The following MROH9 variants were observed in gnomAD, a reference collection of about 807,000 sequenced individuals.
The protein encoded by MROH9 is maestro heat-like repeat-containing protein family member 9.
MROH9 carries 92 observed loss-of-function variants against 98.2 expected under a neutral mutation model. That is an observed-to-expected ratio of 0.94 (90% CI 0.79 to 1.11). The LOEUF is 1.11. Ranked by LOEUF, MROH9 falls within the 50% of genes most tolerant of loss-of-function variation. The pLI is 0.00. For synonymous variants in MROH9, 397 were observed against 368.9 expected (o/e 1.08, Z -0.87); for missense variants, 1,057 against 1,014.8 (o/e 1.04, Z -0.57).
intron 20 of MROH9, 56 bp from the exon 21 acceptor site, chr1:171,062,076 A>G: frequency 2.6e-6 from 3 of 1,146,464 alleles, no homozygotes; most frequent in Non-Finnish European, 3.8e-6. Context: ...ATAACATCAG[A>G]AAATGTATTT....
At chr1:170,993,425 T>A (rs1434230673) in intron 12 of MROH9, among the ~76,000 whole-genome samples, 4 of 152,152 alleles carry the variant, frequency 2.6e-5, no homozygotes, top group African/African-American at 9.6e-5. Flanking sequence ...CCAGAAAAGT[T>A]ACTGACTGGT....
intron 12 of MROH9, among the ~76,000 whole-genome samples, chr1:170,994,071 A>G (rs142497109): frequency 6.6e-6 from 1 of 152,312 alleles, no homozygotes; most frequent in East Asian, 1.9e-4. Context: ...TTTGTGTGTA[A>G]GCATTGCGCT....
chr1:170,938,048 C>T (rs944849523), intron 1 of MROH9, among the ~76,000 whole-genome samples: 8 of 152,162 alleles, frequency 5.3e-5, no homozygotes, highest in African/African-American at 1.9e-4. Flanking sequence ...GTATTGCAGA[C>T]ATACTCTTCC....
intron 3 of MROH9, among the ~76,000 whole-genome samples, chr1:170,951,991 A>G (rs1465596796): frequency 6.6e-6 from 1 of 150,702 alleles, no homozygotes; most frequent in Non-Finnish European, 1.5e-5. Context: ...CAAAAGACAC[A>G]TGAAAAAATG....
chr1:170,986,586 C>T lies in MROH9; in HGVS notation c.755C>T (p.Pro252Leu). The T allele has an allele frequency of 6.2e-7, 1 of 1,613,654 alleles. No homozygotes were observed. The highest frequency in any genetic ancestry group is 8.5e-7 in the Non-Finnish European group (1 of 1,179,836). The change falls in exon 10 of 22, where the codon CCC becomes CTC. Residue 252 changes from proline (P) to leucine (L), a missense_variant. Coordinates refer to ENST00000367759, the MANE Select transcript of MROH9 (RefSeq NM_001163629.2). ...AGAGTAGGGCAAACCTTACTGCCTC[C>T]CTTGCTGACTGACTTTGTGCAGAGT... ...AQRVGQTLLP[P>L]LLTDFVQSLL...
At chr1:171,023,575 T>C (rs61816864) in intron 17 of MROH9, among the ~76,000 whole-genome samples, 2 of 152,270 alleles carry the variant, frequency 1.3e-5, no homozygotes, top group East Asian at 1.9e-4. Context: ...TGAATTATGG[T>C]AAGTAAATTG....
intron 3 of MROH9, among the ~76,000 whole-genome samples, chr1:170,957,254 T>A (rs1326342112): frequency 6.6e-6 from 1 of 152,108 alleles, no homozygotes; most frequent in Non-Finnish European, 1.5e-5. Context: ...CCGAAACTAA[T>A]GTAAATAAGC....
intron 1 of MROH9, among the ~76,000 whole-genome samples, 159 bp downstream of exon 1, chr1:170,935,746 C>T (rs1648849420): frequency 1.3e-5 from 2 of 151,784 alleles, no homozygotes. Flanking sequence ...CCTGTAATCC[C>T]AGCACTTTGG....
chr1:170,935,972 C>A, intron 1 of MROH9, among the ~76,000 whole-genome samples: 1 of 87,208 alleles, frequency 1.1e-5, no homozygotes, highest in Non-Finnish European at 2.0e-5. Flanking sequence ...AGCCTGGCAA[C>A]AGAGTGAGAC....
At chr1:170,975,626 G>A (rs1650655964) in intron 8 of MROH9, among the ~76,000 whole-genome samples, 1 of 152,122 alleles carries the variant, frequency 6.6e-6, no homozygotes, top group Non-Finnish European at 1.5e-5. Flanking sequence ...ATTATGTAGT[G>A]AGAACCTGTG....
chr1:170,942,467 T>G (rs1211155464), intron 1 of MROH9, among the ~76,000 whole-genome samples: 1 of 151,896 alleles, frequency 6.6e-6, no homozygotes, highest in Non-Finnish European at 1.5e-5. Context: ...GTCCTAAAAT[T>G]TCTTTATGTA....
intron 1 of MROH9, among the ~76,000 whole-genome samples, chr1:170,944,621 T>C (rs1044153558): frequency 1.7e-4 from 26 of 151,962 alleles, no homozygotes; most frequent in African/African-American, 5.6e-4. Flanking sequence ...CTAAGTAGTG[T>C]TGGGATCATA....
intron 20 of MROH9, among the ~76,000 whole-genome samples, chr1:171,034,777 A>C (rs898343169): frequency 6.6e-6 from 1 of 152,220 alleles, no homozygotes; most frequent in Non-Finnish European, 1.5e-5. Context: ...TGGGGCTACT[A>C]GTTTCACCAG....
Position 171,064,291 on chromosome 1 carries a change from TAG to T in MROH9, c.2539_2540del (p.Asp847GlnfsTer6). The T allele has an allele frequency of 6.4e-7, 1 of 1,551,152 alleles. No individual in the cohort carries two copies. The highest frequency in any genetic ancestry group is 8.7e-7 in the Non-Finnish European group (1 of 1,146,690). On this transcript the variant is annotated frameshift_variant, in exon 22 of 22. Transcript: ENST00000367759. LOFTEE classifies it low-confidence loss of function (END_TRUNC). Reference sequence around the variant, plus strand: ...AATTATAACTCACCCAATGGCCAGATAGACAGTCCTACAGACAGTAAAGATGT... The same window carrying T: ...AATTATAACTCACCCAATGGCCAGATACAGTCCTACAGACAGTAAAGATGT...
At chr1:171,023,571 A>G (rs1326299005) in intron 17 of MROH9, among the ~76,000 whole-genome samples, 1 of 152,176 alleles carries the variant, frequency 6.6e-6, no homozygotes, top group African/African-American at 2.4e-5. Flanking sequence ...AATCTGAATT[A>G]TGGTAAGTAA....
At chr1:170,955,887 G>C (rs1251476494) in intron 3 of MROH9, among the ~76,000 whole-genome samples, 1 of 152,104 alleles carries the variant, frequency 6.6e-6, no homozygotes, top group African/African-American at 2.4e-5. Flanking sequence ...TGAAATTTTT[G>C]CCTAAGCCAA....
intron 8 of MROH9, among the ~76,000 whole-genome samples, chr1:170,982,656 T>A (rs948238822): frequency 6.6e-6 from 1 of 152,108 alleles, no homozygotes; most frequent in Non-Finnish European, 1.5e-5. Flanking sequence ...TTGGGAGGCC[T>A]GGGCGGGCAG....
chr1:170,969,020 G>C (rs981117642), intron 7 of MROH9, among the ~76,000 whole-genome samples: 1 of 152,142 alleles, frequency 6.6e-6, no homozygotes, highest in Non-Finnish European at 1.5e-5. Flanking sequence ...AAAGTGCAGA[G>C]AATAGTTTAG....
intron 17 of MROH9, among the ~76,000 whole-genome samples, chr1:171,017,688 T>C (rs969608189): frequency 6.6e-6 from 1 of 151,970 alleles, no homozygotes; most frequent in East Asian, 1.9e-4. Context: ...TCTCTATAGC[T>C]CTAGGCTATG....
Sources: gnomAD v4.1 joint callset for allele counts (sites outside exome capture counted in the v4.1 genomes callset) on GRCh38, gnomAD v4.1.1 for gene constraint, MANE v1.5 for transcripts, NCBI Gene and HGNC (gene_info 2026-07-23, HGNC 2026-07-21) for gene names.